The following GRID2 variants were observed in gnomAD, a reference collection of about 807,000 sequenced individuals.
GRID2 encodes glutamate receptor ionotropic, delta-2.
Under a neutral mutation model 114.8 loss-of-function variants are expected in GRID2, and 33 were observed. The ratio of observed to expected loss-of-function variants is 0.29; its 90% CI spans 0.22 to 0.38. The LOEUF (loss-of-function observed/expected upper bound fraction) is 0.38, where lower values mean the gene tolerates loss of function less well. Among genes scored for constraint, GRID2 ranks in the 10% least tolerant of loss-of-function variants. GRID2 has a pLI of 1.00. For missense variants in GRID2, 1,184 were observed against 1,257.7 expected (o/e 0.94, Z 0.89); for synonymous variants, 505 against 449.9 (o/e 1.12, Z -1.55).
At chr4:93,357,523 T>C (rs1472769297) in intron 8 of GRID2, among the ~76,000 whole-genome samples, 2 of 151,540 alleles carry the variant, frequency 1.3e-5, no homozygotes, top group Non-Finnish European at 3.0e-5. Flanking sequence ...TTATAGTTTC[T>C]GCTCTGGCTG....
chr4:93,296,102 A>C (rs1459053034), intron 8 of GRID2, among the ~76,000 whole-genome samples: 5 of 152,150 alleles, frequency 3.3e-5, no homozygotes, highest in African/African-American at 1.2e-4. Context: ...GGTTGAGATA[A>C]TGGTGTTGGC....
chr4:93,216,743 A>C lies in GRID2; in HGVS notation c.795A>C (p.Ile265=), dbSNP rs1214309099. 6.2e-7 allele frequency: 1 copy of C among 1,604,874 alleles called. No homozygotes were observed. Among genetic ancestry groups the C allele is most frequent in the Non-Finnish European group, 8.5e-7 (1 of 1,172,026 alleles). The change falls in exon 6 of 16, where the codon ATA becomes ATC. Residue 265 remains isoleucine (I), a synonymous_variant. Transcript: ENST00000282020. The part of the protein sequence containing the change: ...DCHWIIINEE[I]NDVDVQELVR... ...TTCCACCTCTTATCTTATAGGAAAT[A>C]AACGATGTGGACGTACAGGAACTTG...
intron 10 of GRID2, among the ~76,000 whole-genome samples, chr4:93,423,462 C>T: frequency 6.7e-6 from 1 of 149,920 alleles, no homozygotes; most frequent in African/African-American, 2.4e-5. Context: ...ATTCTCCTGC[C>T]TCAGCCTCCC....
chr4:93,134,379 A>G (rs1735056626), intron 4 of GRID2, among the ~76,000 whole-genome samples: 2 of 152,160 alleles, frequency 1.3e-5, no homozygotes, highest in African/African-American at 4.8e-5. Context: ...GTAAATGTGA[A>G]TCTGAACTGA....
intron 13 of GRID2, among the ~76,000 whole-genome samples, chr4:93,623,122 A>G (rs1214506647): frequency 6.6e-6 from 1 of 152,028 alleles, no homozygotes; most frequent in Non-Finnish European, 1.5e-5. Context: ...TTTTTTAAAG[A>G]GAGGTAAAAG....
chr4:92,706,712 T>A (rs374462504), intron 2 of GRID2, among the ~76,000 whole-genome samples: 138 of 152,324 alleles, frequency 9.1e-4, no homozygotes, highest in African/African-American at 3.1e-3. Flanking sequence ...AAAACCTGTT[T>A]GATTATCAGA....
chr4:93,770,697 T>C (rs930719135), intron 15 of GRID2, among the ~76,000 whole-genome samples: 4 of 152,196 alleles, frequency 2.6e-5, no homozygotes, highest in African/African-American at 9.6e-5. Context: ...ATTGATTCAA[T>C]GCAAAAGACC....
At chr4:92,464,536 C>T (rs915170298) in intron 1 of GRID2, among the ~76,000 whole-genome samples, 10 of 151,804 alleles carry the variant, frequency 6.6e-5, no homozygotes, top group Admixed American at 2.0e-4. Flanking sequence ...AATAATATAA[C>T]GCCTGCTAAT....
intron 13 of GRID2, among the ~76,000 whole-genome samples, chr4:93,523,072 G>A (rs564456066): frequency 6.6e-6 from 1 of 152,188 alleles, no homozygotes; most frequent in South Asian, 2.1e-4. Context: ...GATAACATAA[G>A]CTTCAAAGCT....
chr4:93,803,345 A>T (rs1354487218), intron 1 of GRID2, among the ~76,000 whole-genome samples: 1 of 152,244 alleles, frequency 6.6e-6, no homozygotes, highest in Non-Finnish European at 1.5e-5. Context: ...GAGAGAAAAA[A>T]GTAGAATTGA....
chr4:93,445,108 T>C (rs1053919450), intron 10 of GRID2, among the ~76,000 whole-genome samples: 3 of 152,016 alleles, frequency 2.0e-5, no homozygotes, highest in African/African-American at 7.2e-5. Flanking sequence ...AGAAATGTTC[T>C]TAAAGGAAGG....
chr4:92,935,286 GCTCA>G (rs1560717876), intron 2 of GRID2, among the ~76,000 whole-genome samples: 1 of 147,330 alleles, frequency 6.8e-6, no homozygotes, highest in African/African-American at 2.4e-5. Flanking sequence ...ATGAAAAAAG[GCTCA>G]CTATCACTGG....
At chr4:93,621,659 G>A (rs1175349630) in intron 13 of GRID2, among the ~76,000 whole-genome samples, 1 of 152,082 alleles carries the variant, frequency 6.6e-6, no homozygotes, top group Non-Finnish European at 1.5e-5. Context: ...TTGTTGATGA[G>A]TATTTTATAG....
At chr4:93,119,048 C>CT (rs1225781328) in intron 4 of GRID2, among the ~76,000 whole-genome samples, 5 of 151,996 alleles carry the variant, frequency 3.3e-5, no homozygotes, top group East Asian at 1.9e-4. Flanking sequence ...GCATCTTTTT[C>CT]TTTTTTTTCT....
chr4:93,179,528 C>A lies in GRID2; in HGVS notation c.736-27876C>A, dbSNP rs141858219. Among the ~76,000 whole-genome samples the A allele has an allele frequency of 4.2e-3, 635 of 151,896 alleles. 8 individuals carry two copies. Among genetic ancestry groups the A allele is most frequent in the African/African-American group, 0.015 (612 of 41,408 alleles). ...AGTACCCACTGGTAATTATTTATCC[C>A]GAAGAAAATCATATACAGAATTCTA... is the stretch of plus-strand genomic sequence containing the variant. On this transcript the variant is annotated intron_variant, in intron 4 of 15. Transcript: ENST00000282020.
downstream of GRID2, among the ~76,000 whole-genome samples, chr4:93,776,175 G>A (rs1293562897): frequency 1.3e-5 from 2 of 152,052 alleles, no homozygotes; most frequent in Non-Finnish European, 2.9e-5. Context: ...CTAAAATTTG[G>A]CTTCCTTCCA....
intron 2 of GRID2, among the ~76,000 whole-genome samples, chr4:92,930,738 T>A (rs1161278592): frequency 6.6e-6 from 1 of 151,048 alleles, no homozygotes; most frequent in African/African-American, 2.4e-5. Context: ...TGTTTTGGAT[T>A]AGAATGAAAA....
At chr4:92,588,459 G>T (rs1414674111) in intron 1 of GRID2, among the ~76,000 whole-genome samples, 1 of 151,700 alleles carries the variant, frequency 6.6e-6, no homozygotes, top group African/African-American at 2.4e-5. Context: ...GGTGGATCAC[G>T]ATGTCAGGAG....
intron 11 of GRID2, among the ~76,000 whole-genome samples, chr4:93,487,179 G>A (rs892840832): frequency 1.3e-5 from 2 of 151,632 alleles, no homozygotes; most frequent in Admixed American, 6.6e-5. Flanking sequence ...ACATTTTTGT[G>A]TCTTCACTTA....
Sources: allele counts gnomAD v4.1 joint callset (sites outside exome capture counted in the v4.1 genomes callset), GRCh38; gene constraint gnomAD v4.1.1; transcripts MANE v1.5; gene names NCBI Gene and HGNC (gene_info 2026-07-23, HGNC 2026-07-21).